LHPP: variants seen among roughly 807,000 people sequenced by gnomAD.
LHPP encodes the protein phospholysine phosphohistidine inorganic pyrophosphate phosphatase.
A neutral mutation model predicts 30.3 loss-of-function variants in LHPP; 24 were observed. The observed-to-expected ratio is 0.79, with a 90% confidence interval of 0.57 to 1.11. The LOEUF is 1.11. LHPP is among the 50% of genes most tolerant of loss of function. The pLI is 0.00. For missense variants in LHPP, 356 were observed against 367.2 expected, an observed-to-expected ratio of 0.97 and a Z score of 0.25; for synonymous variants, 150 against 157.1, an observed-to-expected ratio of 0.95 and a Z score of 0.34.
At chr10:124,475,975 C>T (rs1226430161) in intron 1 of LHPP, among the ~76,000 whole-genome samples, 1 of 152,212 alleles carries the variant, frequency 6.6e-6, no homozygotes, top group Non-Finnish European at 1.5e-5. Context: ...TTTATTGATT[C>T]CTGGGACATC....
In LHPP at chr10:124,613,656, A is replaced by T; in HGVS notation, c.*296A>T. 2.0e-6 allele frequency: 1 copy of T among 489,022 alleles called. No individual in the cohort carries two copies. The highest frequency in any genetic ancestry group is 2.4e-5 in the South Asian group (1 of 42,188). 30.3% of individuals were successfully genotyped at this position (489,022 alleles called of 1,614,324 possible). Reference sequence around the variant, plus strand: ...CTGTAGTGAAGTCCAGGAGGGTGGGACAGGCCTGTCAGGCCTCTGGGAATC... The same window carrying T: ...CTGTAGTGAAGTCCAGGAGGGTGGGTCAGGCCTGTCAGGCCTCTGGGAATC... On this transcript the variant is annotated 3_prime_UTR_variant, in exon 7 of 7. Transcript: ENST00000368842.
chr10:124,559,963 C>T (rs1197162241), intron 6 of LHPP, among the ~76,000 whole-genome samples: 1 of 152,242 alleles, frequency 6.6e-6, no homozygotes, highest in African/African-American at 2.4e-5. Flanking sequence ...AACCCTGGGG[C>T]TGGGCAAGAC....
At chr10:124,560,679 G>A (rs77934545) in intron 6 of LHPP, among the ~76,000 whole-genome samples, 9,791 of 152,228 alleles carry the variant, frequency 0.064, 414 homozygotes, top group East Asian at 0.12. Context: ...CACTAGCCGG[G>A]GACGAGGGGC....
chr10:124,587,024 CT>C (rs57728201), intron 6 of LHPP, among the ~76,000 whole-genome samples: 20,978 of 120,680 alleles, frequency 0.17, 2,514 homozygotes, highest in African/African-American at 0.36. Context: ...GTGCTTGCTA[CT>C]TTTTTTTTTT....
intron 4 of LHPP, 140 bp downstream of exon 4, chr10:124,497,164 T>C: frequency 1.5e-6 from 1 of 661,424 alleles, no homozygotes; most frequent in Non-Finnish European, 2.6e-6. Context: ...CTTCCTATTC[T>C]GGGCTCCCCT....
intron 2 of LHPP, among the ~76,000 whole-genome samples, chr10:124,485,896 C>T (rs776074703): frequency 1.2e-4 from 18 of 152,126 alleles, no homozygotes; most frequent in Admixed American, 2.0e-4. Context: ...CCACCGCCTC[C>T]GGTCTTACTT....
intron 5 of LHPP, among the ~76,000 whole-genome samples, chr10:124,501,324 G>A (rs1011827144): frequency 1.3e-5 from 2 of 151,746 alleles, no homozygotes; most frequent in African/African-American, 2.4e-5. Context: ...GAACTGGGCC[G>A]GGCACAGCAG....
intron 6 of LHPP, among the ~76,000 whole-genome samples, chr10:124,521,396 C>G (rs1416518741): frequency 6.6e-6 from 1 of 152,256 alleles, no homozygotes; most frequent in Non-Finnish European, 1.5e-5. Flanking sequence ...GGTGAGCCCC[C>G]CAGGGGCAGC....
In LHPP at chr10:124,613,707, A is replaced by T. The variant is rs893405174; in HGVS notation, c.*347A>T. ...TCCCAAATCCCAGAACTCACCACTCACCATGGGCCTTTAAATGCAGTAAAC... is the reference window on the plus strand; with the variant it reads ...TCCCAAATCCCAGAACTCACCACTCTCCATGGGCCTTTAAATGCAGTAAAC... On this transcript the variant is annotated 3_prime_UTR_variant, in exon 7 of 7. Transcript: ENST00000368842. 8.1e-4 allele frequency: 291 copies of T among 361,118 alleles called. 1 individual carries two copies. Among genetic ancestry groups the T allele is most frequent in the Non-Finnish European group, 1.2e-3 (227 of 192,982 alleles). The allele number at this position is 361,118 out of a possible 1,614,324, so 22.4% of individuals were successfully genotyped here. A position where few individuals can be genotyped will look rare whatever the true frequency, so the allele number is the denominator to read the frequency against.
At chr10:124,494,526 G>A (rs942189593) in intron 3 of LHPP, among the ~76,000 whole-genome samples, 4 of 152,120 alleles carry the variant, frequency 2.6e-5, no homozygotes, top group Admixed American at 6.5e-5. Context: ...TACCCACCTC[G>A]ATGCCCTCCT....
intron 6 of LHPP, among the ~76,000 whole-genome samples, chr10:124,606,277 C>G (rs1477239511): frequency 2.0e-5 from 3 of 151,840 alleles, no homozygotes; most frequent in Non-Finnish European, 2.9e-5. Context: ...ACACCATTCT[C>G]GGGGGGACAG....
chr10:124,578,963 C>CG (rs11312997), intron 6 of LHPP, among the ~76,000 whole-genome samples: 5 of 151,960 alleles, frequency 3.3e-5, no homozygotes, highest in African/African-American at 1.2e-4. Context: ...ATAGCACGGA[C>CG]GGGGGGGTCC....
At chr10:124,558,363 G>A (rs74160930) in intron 6 of LHPP, among the ~76,000 whole-genome samples, 2 of 152,218 alleles carry the variant, frequency 1.3e-5, no homozygotes, top group Admixed American at 6.5e-5. Context: ...CAGCCCTTAC[G>A]AGAATCCCAC....
At chr10:124,473,059 G>A (rs11245079) in intron 1 of LHPP, among the ~76,000 whole-genome samples, 20,936 of 151,996 alleles carry the variant, frequency 0.14, 1,853 homozygotes, top group Non-Finnish European at 0.19. Flanking sequence ...CTTGGTGGGC[G>A]GGGGTCACCC....
Position 124,553,911 on chromosome 10 carries a change from C to G in LHPP, c.716+36640C>G, listed in dbSNP as rs919982135. On this transcript the variant is annotated intron_variant, in intron 6 of 6. Transcript: ENST00000368842. ...TTACCACAGGCTAAGCTGTTGGCATCTGTTCTTTTCCTGCTCCAGGAGGGA... is the reference window on the plus strand; with the variant it reads ...TTACCACAGGCTAAGCTGTTGGCATGTGTTCTTTTCCTGCTCCAGGAGGGA... 7 of 985,378 alleles carry G rather than the reference C, an allele frequency of 7.1e-6. No individual in the cohort carries two copies. The African/African-American group carries it at 1.2e-4, about 17-fold the overall frequency. The allele number at this position is 985,378 out of a possible 1,614,324, so 61.0% of individuals were successfully genotyped here. A position where few individuals can be genotyped will look rare whatever the true frequency, so the allele number is the denominator to read the frequency against.
At position 124,463,241 on chromosome 10, in the gene LHPP, T is replaced by G. The variant is rs566114649; in HGVS notation, c.125+1254T>G. On this transcript the variant is annotated intron_variant, in intron 1 of 6. Coordinates refer to ENST00000368842, the MANE Select transcript of LHPP (RefSeq NM_022126.4). ...TATACCTTTTTTTTTTAACTTTTGT[T>G]AATGTGCTTATTAGAAAACTTTAAA... 3.9e-5 allele frequency among the ~76,000 whole-genome samples: 6 copies of G among 152,274 alleles called. No individual in the cohort carries two copies. The South Asian group carries it at 1.2e-3, about 32-fold the overall frequency.
rs572762973 is a variant in LHPP, at chr10:124,462,098, G to A, written c.125+111G>A. 120 of 1,013,256 alleles carry A rather than the reference G, an allele frequency of 1.2e-4. 1 individual carries two copies. In the African/African-American group the frequency reaches 1.9e-3, roughly 16 times the overall value. 62.8% of individuals were successfully genotyped at this position (1,013,256 alleles called of 1,614,324 possible). ...GGGGCGGGGCCGCGGCGCAGGCCCCGCCTCGGTCTCCCCCTTCCCACCCCG... is the reference window on the plus strand; with the variant it reads ...GGGGCGGGGCCGCGGCGCAGGCCCCACCTCGGTCTCCCCCTTCCCACCCCG... On this transcript the variant is annotated intron_variant, in intron 1 of 6. Transcript: ENST00000368842.
intron 6 of LHPP, among the ~76,000 whole-genome samples, chr10:124,578,772 A>G (rs1323833856): frequency 6.6e-6 from 1 of 151,482 alleles, no homozygotes; most frequent in Non-Finnish European, 1.5e-5. Flanking sequence ...TTGCACCCCC[A>G]CCATCCAGTG....
chr10:124,535,573 A>AT (rs34086090), intron 6 of LHPP, among the ~76,000 whole-genome samples: 81,471 of 146,700 alleles, frequency 0.56, 22,784 homozygotes, highest in Admixed American at 0.62. Flanking sequence ...TTAAAAAAAC[A>AT]TTTTTTTTTT....
Sources: gnomAD v4.1 joint callset for allele counts (sites outside exome capture counted in the v4.1 genomes callset) on GRCh38, gnomAD v4.1.1 for gene constraint, MANE v1.5 for transcripts, NCBI Gene and HGNC (gene_info 2026-07-23, HGNC 2026-07-21) for gene names.